EEF1AKMT3: variants seen among roughly 807,000 people sequenced by gnomAD.
The protein encoded by EEF1AKMT3 is EEF1A lysine methyltransferase 3, also known as eEF1A-KMT3.
EEF1AKMT3 carries 17 observed loss-of-function variants against 17.8 expected under a neutral mutation model. The ratio of observed to expected loss-of-function variants is 0.96; its 90% CI spans 0.65 to 1.43. The LOEUF is 1.43. Among genes scored for constraint, EEF1AKMT3 ranks in the 40% most tolerant of loss-of-function variants. The pLI, the probability that EEF1AKMT3 is intolerant of heterozygous loss-of-function variation, is 0.00. For missense variants in EEF1AKMT3, 244 were observed against 285.8 expected, an observed-to-expected ratio of 0.85 and a Z score of 1.06; for synonymous variants, 116 against 126.5, an observed-to-expected ratio of 0.92 and a Z score of 0.56.
rs534000028 is a variant in EEF1AKMT3 at position 57,780,207 on chromosome 12, C to T, written c.290-48C>T. On this transcript the variant is annotated intron_variant, in intron 2 of 2. Coordinates refer to ENST00000300209, the MANE Select transcript of EEF1AKMT3 (RefSeq NM_015433.3). ...ACCTTCCAGGCAGGAGCCAAGAACC[C>T]TTGGTTGGTTCCTCTGACTTGCATT... 46 of 1,600,234 alleles carry T rather than the reference C, an allele frequency of 2.9e-5. 1 individual carries two copies. The South Asian group carries it at 3.9e-4, about 14-fold the overall frequency.
rs764550723 is a variant in EEF1AKMT3 at position 57,780,682 on chromosome 12, A to G, written c.*36A>G. Reference sequence around the variant, plus strand: ...GCTGTTCTTCTCAATCTCTTGCTCTAATGAAGGAACTGTGTATCTCAAAAA... The same window carrying G: ...GCTGTTCTTCTCAATCTCTTGCTCTGATGAAGGAACTGTGTATCTCAAAAA... On this transcript the variant is annotated 3_prime_UTR_variant, in exon 3 of 3. Coordinates refer to ENST00000300209, the MANE Select transcript of EEF1AKMT3 (RefSeq NM_015433.3). The G allele has an allele frequency of 1.3e-6, 2 of 1,597,750 alleles. No individual in the cohort carries two copies. The highest frequency in any genetic ancestry group is 8.5e-7 in the Non-Finnish European group (1 of 1,179,014).
intron 2 of EEF1AKMT3, among the ~76,000 whole-genome samples, chr12:57,777,913 C>T (rs1008363530): frequency 9.3e-5 from 14 of 151,056 alleles, no homozygotes; most frequent in Admixed American, 2.7e-4. Flanking sequence ...CAGCTACTTG[C>T]GAGGCTGAGG....
At chr12:57,778,745 C>T (rs2140409538) in intron 2 of EEF1AKMT3, among the ~76,000 whole-genome samples, 1 of 152,308 alleles carries the variant, frequency 6.6e-6, no homozygotes, top group African/African-American at 2.4e-5. Flanking sequence ...ATCATCATCT[C>T]TCACCTGAGT....
chr12:57,780,961 G>A lies in EEF1AKMT3; in HGVS notation c.*315G>A. ...GGGGTAAGGGAGATATATGGGATGT[G>A]AGAGCAGTGATTGTAGACAGACTGT... On this transcript the variant is annotated 3_prime_UTR_variant, in exon 3 of 3. Transcript: ENST00000300209. 1 of 412,010 alleles carries A rather than the reference G, an allele frequency of 2.4e-6. No individual in the cohort carries two copies. Among genetic ancestry groups the A allele is most frequent in the Non-Finnish European group, 4.4e-6 (1 of 226,650 alleles). 25.5% of individuals were successfully genotyped at this position (412,010 alleles called of 1,614,324 possible).
chr12:57,777,440 C>T (rs1363138300), intron 2 of EEF1AKMT3, among the ~76,000 whole-genome samples: 1 of 152,134 alleles, frequency 6.6e-6, no homozygotes, highest in Admixed American at 6.6e-5. Flanking sequence ...GCTTCATTTC[C>T]AACTCCAGGT....
At position 57,780,581 on chromosome 12, in the gene EEF1AKMT3, C is replaced by T. The variant is rs150194007; in HGVS notation, c.616C>T (p.Gln206Ter). The T allele has an allele frequency of 8.1e-6, 13 of 1,613,620 alleles. No individual in the cohort carries two copies. The African/African-American group carries it at 1.1e-4, about 13-fold the overall frequency. ...LPQHFQLELA[Q>*]RDEDENVNIY... Reference sequence around the variant, plus strand: ...CCAGCATTTCCAACTGGAGCTGGCTCAGCGGGATGAGGATGAAAATGTCAA... The same window carrying T: ...CCAGCATTTCCAACTGGAGCTGGCTTAGCGGGATGAGGATGAAAATGTCAA... Residue 206 changes from glutamine (Q) to a stop codon, truncating the protein, a stop_gained, in exon 3 of 3, where the codon CAG (glutamine) becomes TAG (stop). Coordinates refer to ENST00000300209, the MANE Select transcript of EEF1AKMT3 (RefSeq NM_015433.3). LOFTEE classifies it high-confidence loss of function.
At chr12:57,776,590 G>A (rs1039372770) in intron 2 of EEF1AKMT3, among the ~76,000 whole-genome samples, 2 of 152,062 alleles carry the variant, frequency 1.3e-5, no homozygotes, top group African/African-American at 4.8e-5. Flanking sequence ...ACCTCCACAT[G>A]CCTCTTCTGC....
chr12:57,779,884 C>T (rs1439977858), intron 2 of EEF1AKMT3, among the ~76,000 whole-genome samples: 1 of 152,128 alleles, frequency 6.6e-6, no homozygotes, highest in Admixed American at 6.6e-5. Context: ...CCTACTTGTC[C>T]TTTAGGGCTC....
chr12:57,775,474 T>C (rs868224708), intron 2 of EEF1AKMT3, among the ~76,000 whole-genome samples: 5 of 151,602 alleles, frequency 3.3e-5, no homozygotes, highest in African/African-American at 1.2e-4. Context: ...ATCCGCCTCC[T>C]GGGTTCAACC....
Position 57,780,797 on chromosome 12 carries a change from G to T in EEF1AKMT3, c.*151G>T. On this transcript the variant is annotated 3_prime_UTR_variant, in exon 3 of 3. Coordinates refer to ENST00000300209, the MANE Select transcript of EEF1AKMT3 (RefSeq NM_015433.3). ...TCCTCCTTCCCTCTTTGTTACCCCAGATACTCTTGGGCAGGTGCAGTGAGG... is the reference window on the plus strand; with the variant it reads ...TCCTCCTTCCCTCTTTGTTACCCCATATACTCTTGGGCAGGTGCAGTGAGG... The T allele has an allele frequency of 9.4e-7, 1 of 1,067,006 alleles. No homozygotes were observed. Among genetic ancestry groups the T allele is most frequent in the South Asian group, 1.6e-5 (1 of 61,492 alleles). 66.1% of individuals were successfully genotyped at this position (1,067,006 alleles called of 1,614,324 possible).
chr12:57,773,840 T>G (rs770344085), intron 2 of EEF1AKMT3, among the ~76,000 whole-genome samples: 22 of 152,216 alleles, frequency 1.4e-4, no homozygotes, highest in Non-Finnish European at 2.6e-4. Flanking sequence ...TTGCAGACAT[T>G]AAACTTCGTG....
intron 2 of EEF1AKMT3, chr12:57,774,846 C>T: frequency 1.4e-6 from 2 of 1,390,402 alleles, no homozygotes; most frequent in South Asian, 1.3e-5. Context: ...TGGCTCATGC[C>T]TATAATCCCG....
Position 57,780,653 on chromosome 12 carries a change from C to T in EEF1AKMT3, c.*7C>T. On this transcript the variant is annotated 3_prime_UTR_variant, in exon 3 of 3. Coordinates refer to ENST00000300209, the MANE Select transcript of EEF1AKMT3 (RefSeq NM_015433.3). The stretch of plus-strand genomic sequence containing the variant: ...GGAACCAAGACCTGCTTGACATCAC[C>T]CTTGCTGTTCTTCTCAATCTCTTGC... 6.2e-7 allele frequency: 1 copy of T among 1,603,804 alleles called. No individual in the cohort carries two copies. Among genetic ancestry groups the T allele is most frequent in the Non-Finnish European group, 8.5e-7 (1 of 1,179,826 alleles).
chr12:57,778,761 C>T lies in EEF1AKMT3; in HGVS notation c.290-1494C>T, dbSNP rs181930881. Among the ~76,000 whole-genome samples, 246 of 152,348 alleles carry T rather than the reference C, an allele frequency of 1.6e-3. 5 individuals carry two copies. Among genetic ancestry groups the T allele is most frequent in the Admixed American group, 0.016 (245 of 15,308 alleles). The stretch of plus-strand genomic sequence containing the variant: ...TCATCATCTCTCACCTGAGTCATTG[C>T]CATCACCTCCTAACTGGTCTCCTAG... On this transcript the variant is annotated intron_variant, in intron 2 of 2. Coordinates refer to ENST00000300209, the MANE Select transcript of EEF1AKMT3 (RefSeq NM_015433.3).
In EEF1AKMT3 at chr12:57,780,256, G is replaced by C; in HGVS notation, c.291G>C (p.Gly97=). The C allele has an allele frequency of 6.2e-7, 1 of 1,611,762 alleles. No individual in the cohort carries two copies. Residue 97 remains glycine, a splice_region_variant and synonymous_variant, in exon 3 of 3, where the codon GGG becomes GGC. Coordinates refer to ENST00000300209, the MANE Select transcript of EEF1AKMT3 (RefSeq NM_015433.3). The part of the protein sequence containing the change: ...GIVGILAALQ[G]GDVTITDLPL... ...TTTTTCCTCCTTCCTCTCTCTCAGG[G>C]GGGGATGTTACCATCACTGACCTGC...
chr12:57,775,220 G>A (rs1001216002), intron 2 of EEF1AKMT3, among the ~76,000 whole-genome samples: 58 of 151,892 alleles, frequency 3.8e-4, no homozygotes, highest in African/African-American at 1.1e-3. Flanking sequence ...AAAGGCATGC[G>A]GTATGGATGG....
rs775525585 is a variant in EEF1AKMT3, at chr12:57,780,666, C to G, written c.*20C>G. On this transcript the variant is annotated 3_prime_UTR_variant, in exon 3 of 3. Transcript: ENST00000300209. ...GCTTGACATCACCCTTGCTGTTCTT[C>G]TCAATCTCTTGCTCTAATGAAGGAA... 6.2e-7 allele frequency: 1 copy of G among 1,601,784 alleles called. No individual in the cohort carries two copies. Among genetic ancestry groups the G allele is most frequent in the South Asian group, 1.1e-5 (1 of 91,030 alleles).
Position 57,780,305 on chromosome 12 carries a change from G to A in EEF1AKMT3, c.340G>A (p.Gly114Ser), listed in dbSNP as rs751954455. 23 of 1,613,966 alleles carry A rather than the reference G, an allele frequency of 1.4e-5. No homozygotes were observed. The highest frequency in any genetic ancestry group is 1.9e-5 in the Non-Finnish European group (23 of 1,180,024). ...GCCCCTGGCCCTAGAACAGATCCAGGGCAACGTCCAGGCCAATGTGCCAGC... is the reference window on the plus strand; with the variant it reads ...GCCCCTGGCCCTAGAACAGATCCAGAGCAACGTCCAGGCCAATGTGCCAGC... The part of the protein sequence containing the change: ...DLPLALEQIQ[G>S]NVQANVPAGG... Residue 114 changes from glycine (G) to serine (S), a missense_variant, in exon 3 of 3, where the codon GGC (glycine) becomes AGC (serine). Transcript: ENST00000300209.
Position 57,780,670 on chromosome 12 carries a change from A to G in EEF1AKMT3, c.*24A>G, listed in dbSNP as rs1057123252. On this transcript the variant is annotated 3_prime_UTR_variant, in exon 3 of 3. Transcript: ENST00000300209. ...GACATCACCCTTGCTGTTCTTCTCA[A>G]TCTCTTGCTCTAATGAAGGAACTGT... 12 of 1,601,154 alleles carry G rather than the reference A, an allele frequency of 7.5e-6. No individual in the cohort carries two copies. The highest frequency in any genetic ancestry group is 4.5e-5 in the East Asian group (2 of 44,896).
Sources: gnomAD v4.1 joint callset for allele counts (sites outside exome capture counted in the v4.1 genomes callset) on GRCh38, gnomAD v4.1.1 for gene constraint, MANE v1.5 for transcripts, NCBI Gene and HGNC (gene_info 2026-07-23, HGNC 2026-07-21) for gene names.